PPP6R3: variants seen among roughly 807,000 people sequenced by gnomAD.
The protein encoded by PPP6R3 is protein phosphatase 6 regulatory subunit 3, also known as serine/threonine-protein phosphatase 6 regulatory subunit 3.
Under a neutral mutation model 110.7 loss-of-function variants are expected in PPP6R3, and 38 were observed. The ratio of observed to expected loss-of-function variants is 0.34; its 90% CI spans 0.26 to 0.45. PPP6R3 has a LOEUF of 0.45. Ranked by LOEUF, PPP6R3 falls within the 20% of genes least tolerant of loss-of-function variation. The pLI is 1.00. For synonymous variants in PPP6R3, 369 were observed against 373.5 expected (o/e 0.99, Z 0.14); for missense variants, 870 against 1,062.4 (o/e 0.82, Z 2.52).
chr11:68,479,493 A>G (rs192795982), intron 1 of PPP6R3, among the ~76,000 whole-genome samples: 8 of 152,284 alleles, frequency 5.3e-5, no homozygotes, highest in East Asian at 1.9e-4. Context: ...TGTTTTGCCT[A>G]ATACCCAGTT....
At chr11:68,611,292 G>A (rs111333328) in intron 23 of PPP6R3, among the ~76,000 whole-genome samples, 2,080 of 152,254 alleles carry the variant, frequency 0.014, 22 homozygotes, top group African/African-American at 0.024. Context: ...AGGCAGGATC[G>A]TCCAGGTCTA....
At chr11:68,548,353 G>C in intron 5 of PPP6R3, 149 bp downstream of exon 5, 3 of 1,064,324 alleles carry the variant, frequency 2.8e-6, no homozygotes, top group Non-Finnish European at 4.0e-6. Context: ...GGGAAGAAAG[G>C]TTGTTCCAAG....
chr11:68,548,760 G>T lies in PPP6R3; in HGVS notation c.552+556G>T, dbSNP rs1457537970. Among the ~76,000 whole-genome samples the T allele has an allele frequency of 2.0e-5, 3 of 152,170 alleles. No individual in the cohort carries two copies. The East Asian group carries it at 5.8e-4, about 29-fold the overall frequency. On this transcript the variant is annotated intron_variant, in intron 5 of 23. Coordinates refer to ENST00000393800, the MANE Select transcript of PPP6R3 (RefSeq NM_001164161.2). Reference sequence around the variant, plus strand: ...AATGTAGACAGATGGTGATTTTTAGGATGTGTGCCTCTTGAATAGATGTCT... The same window carrying T: ...AATGTAGACAGATGGTGATTTTTAGTATGTGTGCCTCTTGAATAGATGTCT...
intron 18 of PPP6R3, 39 bp from the exon 19 acceptor site, chr11:68,596,058 A>G: frequency 6.2e-7 from 1 of 1,612,484 alleles, no homozygotes; most frequent in Non-Finnish European, 8.5e-7. Flanking sequence ...CTGGTGGCTG[A>G]TAAGCAGTGT....
chr11:68,558,766 A>G, intron 8 of PPP6R3, 87 bp downstream of exon 8: 2 of 1,020,412 alleles, frequency 2.0e-6, no homozygotes, highest in Non-Finnish European at 3.0e-6. Flanking sequence ...AAGCTGTAAT[A>G]GCGTACCTTT....
chr11:68,568,386 A>T (rs2099487799), intron 10 of PPP6R3, among the ~76,000 whole-genome samples: 1 of 152,180 alleles, frequency 6.6e-6, no homozygotes, highest in Non-Finnish European at 1.5e-5. Flanking sequence ...ACTAAATTTG[A>T]TGAGACTACT....
At chr11:68,543,302 G>A (rs989719215) in intron 3 of PPP6R3, among the ~76,000 whole-genome samples, 11 of 152,148 alleles carry the variant, frequency 7.2e-5, no homozygotes, top group Non-Finnish European at 2.9e-5. Context: ...TGGGATAATG[G>A]GTACTTTACA....
intron 3 of PPP6R3, among the ~76,000 whole-genome samples, chr11:68,544,634 G>C (rs1297535434): frequency 1.3e-5 from 2 of 152,128 alleles, no homozygotes; most frequent in Non-Finnish European, 2.9e-5. Flanking sequence ...GTTAAAGCTT[G>C]GTTTAAAAAC....
intron 1 of PPP6R3, among the ~76,000 whole-genome samples, chr11:68,492,391 C>T (rs2098989667): frequency 6.6e-6 from 1 of 152,126 alleles, no homozygotes; most frequent in South Asian, 2.1e-4. Context: ...TCAAGTGATC[C>T]TCCCACCTTG....
intron 1 of PPP6R3, among the ~76,000 whole-genome samples, chr11:68,517,647 A>T (rs775165002): frequency 1.3e-4 from 20 of 152,180 alleles, no homozygotes; most frequent in Non-Finnish European, 2.6e-4. Flanking sequence ...ATGAATAATG[A>T]TGTTAATTGG....
intron 1 of PPP6R3, among the ~76,000 whole-genome samples, chr11:68,518,502 T>C (rs2099148004): frequency 6.6e-6 from 1 of 152,214 alleles, no homozygotes; most frequent in Non-Finnish European, 1.5e-5. Context: ...GGATTTGCCA[T>C]ACAGGACCTT....
chr11:68,539,894 C>T (rs2099301926), intron 3 of PPP6R3, among the ~76,000 whole-genome samples: 1 of 152,186 alleles, frequency 6.6e-6, no homozygotes, highest in Admixed American at 6.5e-5. Flanking sequence ...CAGAGCCATG[C>T]AGGAATTAAG....
chr11:68,613,505 C>A lies in PPP6R3; in HGVS notation c.*388C>A. 1.0e-6 allele frequency: 1 copy of A among 990,820 alleles called. No individual in the cohort carries two copies. The highest frequency in any genetic ancestry group is 4.7e-5 in the South Asian group (1 of 21,384). 61.4% of individuals were successfully genotyped at this position (990,820 alleles called of 1,614,324 possible). On this transcript the variant is annotated 3_prime_UTR_variant, in exon 24 of 24. Transcript: ENST00000393800. ...ATAACTTTGACAATTATTAGTGTGA[C>A]CAAAGTATTAGGCGGTTTTCATACA...
chr11:68,497,138 C>G lies in PPP6R3; in HGVS notation c.-157-22363C>G, dbSNP rs1295421608. Among the ~76,000 whole-genome samples the G allele has an allele frequency of 1.5e-4, 22 of 151,712 alleles. No homozygotes were observed. In the East Asian group the frequency reaches 4.3e-3, roughly 29 times the overall value. On this transcript the variant is annotated intron_variant, in intron 1 of 23. Coordinates refer to ENST00000393800, the MANE Select transcript of PPP6R3 (RefSeq NM_001164161.2). Reference sequence around the variant, plus strand: ...CTCGGCTCACTGCAAGCTCCGCCTCCCGGGTTCACGCCATTCTCCTGCCTC... The same window carrying G: ...CTCGGCTCACTGCAAGCTCCGCCTCGCGGGTTCACGCCATTCTCCTGCCTC...
chr11:68,607,417 T>G (rs1204730131), intron 22 of PPP6R3, among the ~76,000 whole-genome samples: 1 of 152,212 alleles, frequency 6.6e-6, no homozygotes, highest in Non-Finnish European at 1.5e-5. Context: ...ATCTACATTC[T>G]AAAACAACTC....
intron 1 of PPP6R3, among the ~76,000 whole-genome samples, chr11:68,470,193 T>C (rs1283029434): frequency 6.6e-6 from 1 of 152,120 alleles, no homozygotes; most frequent in African/African-American, 2.4e-5. Flanking sequence ...ACAGTAGCCA[T>C]ATGGTAATAC....
rs186192564 is a variant in PPP6R3 at position 68,529,337 on chromosome 11, A to G, written c.-6-8322A>G. ...GGGTTCAAGTGATTCTCCTGCCTCA[A>G]CCTCCCAAGTAGCTGGGATTACAGG... On this transcript the variant is annotated intron_variant, in intron 2 of 23. Coordinates refer to ENST00000393800, the MANE Select transcript of PPP6R3 (RefSeq NM_001164161.2). Among the ~76,000 whole-genome samples, 54 of 151,848 alleles carry G rather than the reference A, an allele frequency of 3.6e-4. 1 individual carries two copies. Among genetic ancestry groups the G allele is most frequent in the South Asian group, 6.3e-4 (3 of 4,800 alleles).
intron 1 of PPP6R3, among the ~76,000 whole-genome samples, chr11:68,493,605 A>AC: frequency 7.9e-6 from 1 of 126,586 alleles, no homozygotes; most frequent in African/African-American, 2.8e-5. Context: ...GGTAAAAAAA[A>AC]AAAACAAAAC....
intron 7 of PPP6R3, among the ~76,000 whole-genome samples, chr11:68,554,801 C>T (rs370156437): frequency 2.0e-5 from 3 of 152,090 alleles, no homozygotes; most frequent in African/African-American, 7.2e-5. Context: ...AACAGCTGAA[C>T]GTTATTTTAA....
Sources: allele counts gnomAD v4.1 joint callset (sites outside exome capture counted in the v4.1 genomes callset), GRCh38; gene constraint gnomAD v4.1.1; transcripts MANE v1.5; gene names NCBI Gene and HGNC (gene_info 2026-07-23, HGNC 2026-07-21).